The following IP6K3 variants were observed in gnomAD, a reference collection of about 807,000 sequenced individuals.
IP6K3 encodes inositol hexakisphosphate kinase 3, also known as ATP:1D-myo-inositol-hexakisphosphate phosphotransferase.
A neutral mutation model predicts 28.8 loss-of-function variants in IP6K3; 20 were observed. That is an observed-to-expected ratio of 0.70 (90% CI 0.49 to 1.01). The LOEUF (loss-of-function observed/expected upper bound fraction) is 1.01, where lower values mean the gene tolerates loss of function less well. Among genes scored for constraint, IP6K3 ranks in the 50% least tolerant of loss-of-function variants. IP6K3 has a pLI of 0.00. For synonymous variants in IP6K3, 213 were observed against 221.3 expected, an observed-to-expected ratio of 0.96 and a Z score of 0.33; for missense variants, 480 against 537.1, an observed-to-expected ratio of 0.89 and a Z score of 1.05.
Position 33,728,220 on chromosome 6 carries a change from G to A in IP6K3, c.280C>T (p.Pro94Ser), listed in dbSNP as rs774326565. The change falls in exon 3 of 6, where the codon CCC becomes TCC. Residue 94 changes from proline (P) to serine (S), a missense_variant. Transcript: ENST00000293756. ...GCCGACTCTGTGGAGACCTTGAAGG[G>A]CTCCTGGCTCTCCTTCACTGGGTTG... is the stretch of plus-strand genomic sequence containing the variant. The part of the protein sequence containing the change: ...VANPVKESQE[P>S]FKVSTESAAV... 11 of 1,614,010 alleles carry A rather than the reference G, an allele frequency of 6.8e-6. No homozygotes were observed. The highest frequency in any genetic ancestry group is 8.5e-6 in the Non-Finnish European group (10 of 1,180,034).
chr6:33,723,076 G>A lies in IP6K3; in HGVS notation c.877C>T (p.His293Tyr), dbSNP rs1209160492. 6.2e-7 allele frequency: 1 copy of A among 1,614,018 alleles called. No homozygotes were observed. Among genetic ancestry groups the A allele is most frequent in the Non-Finnish European group, 8.5e-7 (1 of 1,179,992 alleles). The change falls in exon 6 of 6, where the codon CAC becomes TAC. Residue 293 changes from histidine (H) to tyrosine (Y), a missense_variant. Physicochemically the swap from His to Tyr is moderately conservative, Grantham distance 83 (BLOSUM62 2). Coordinates refer to ENST00000293756, the MANE Select transcript of IP6K3 (RefSeq NM_054111.5). ...ALYQFLHNGS[H>Y]LRRELLEPIL... Reference sequence around the variant, plus strand: ...GGCTCCAGGAGCTCCCTCCGGAGGTGGCTTCCATTATGTAGGAACTGATAG... The same window carrying A: ...GGCTCCAGGAGCTCCCTCCGGAGGTAGCTTCCATTATGTAGGAACTGATAG...
rs1320066929 is a variant in IP6K3 at position 33,723,011 on chromosome 6, C to G, written c.942G>C (p.Arg314Ser). The G allele has an allele frequency of 6.2e-7, 1 of 1,614,026 alleles. No homozygotes were observed. Among genetic ancestry groups the G allele is most frequent in the South Asian group, 1.1e-5 (1 of 91,066 alleles). The part of the protein sequence containing the change: ...HQLRALLSVI[R>S]SQSSYRFYSS... ...AATAGAAGCGGTATGAACTCTGGCT[C>G]CTAATGACAGAGAGGAGGGCCCGGA... Residue 314 changes from arginine (R) to serine (S), a missense_variant, in exon 6 of 6, where the codon AGG becomes AGC. By Grantham distance (110) the Arg-to-Ser change is moderately radical (BLOSUM62 -1). Transcript: ENST00000293756.
At chr6:33,741,278 G>C (rs1766709141) in intron 1 of IP6K3, among the ~76,000 whole-genome samples, 1 of 152,190 alleles carries the variant, frequency 6.6e-6, no homozygotes. Flanking sequence ...TTATGCAGCA[G>C]GACCTAGTCC....
At chr6:33,748,642 CAAAAAAAAA>C (rs35735336), upstream of IP6K3, among the ~76,000 whole-genome samples, 4 of 38,340 alleles carry the variant, frequency 1.0e-4, no homozygotes, top group Admixed American at 3.6e-4. Context: ...ACCCTGTCTC[CAAAAAAAAA>C]AAAAAAAAAA....
chr6:33,731,120 G>A (rs1033644117), intron 2 of IP6K3, among the ~76,000 whole-genome samples: 3 of 152,184 alleles, frequency 2.0e-5, no homozygotes, highest in African/African-American at 4.8e-5. Flanking sequence ...TTCCAGGTGC[G>A]AGAAGGGGAG....
At chr6:33,735,147 C>T in intron 2 of IP6K3, 131 bp downstream of exon 2, 1 of 704,364 alleles carries the variant, frequency 1.4e-6, no homozygotes, top group Admixed American at 2.8e-5. Flanking sequence ...GCCAGCCCCG[C>T]TGGGAGAGGG....
At position 33,725,437 on chromosome 6, in the gene IP6K3, C is replaced by A. The variant is rs769517845; in HGVS notation, c.765+4G>T. 2.5e-6 allele frequency: 4 copies of A among 1,606,402 alleles called. No homozygotes were observed. The highest frequency in any genetic ancestry group is 1.7e-5 in the Admixed American group (1 of 59,884). On this transcript the variant is annotated splice_donor_region_variant and intron_variant, in intron 5 of 5. Transcript: ENST00000293756. ...CCCCCTGTGGTGGGTCCCCTGCGAC[C>A]TACCTGCATGCCGCAGATGCGCACA... is the stretch of plus-strand genomic sequence containing the variant.
At chr6:33,758,144 G>C in the IP6K3 span, among the ~76,000 whole-genome samples, 1 of 152,166 alleles carries the variant, frequency 6.6e-6, no homozygotes, top group Non-Finnish European at 1.5e-5. Flanking sequence ...TCAGATTACC[G>C]GAGGTATGTG....
chr6:33,724,610 A>T (rs947325918), intron 5 of IP6K3, among the ~76,000 whole-genome samples: 7 of 152,198 alleles, frequency 4.6e-5, no homozygotes, highest in African/African-American at 1.7e-4. Flanking sequence ...CACTTTATTA[A>T]CCAGAACTGG....
intron 2 of IP6K3, among the ~76,000 whole-genome samples, 184 bp downstream of exon 2, chr6:33,735,094 G>A (rs1237679643): frequency 1.3e-5 from 2 of 152,208 alleles, no homozygotes; most frequent in African/African-American, 4.8e-5. Flanking sequence ...TTACACTCCA[G>A]ACCTGGAGGC....
intron 2 of IP6K3, among the ~76,000 whole-genome samples, chr6:33,732,787 C>T (rs1031222561): frequency 3.9e-5 from 6 of 152,334 alleles, no homozygotes; most frequent in Non-Finnish European, 8.8e-5. Flanking sequence ...ACAGCAGACA[C>T]GGAGGTTTAG....
At chr6:33,741,970 A>G (rs1187198456) in intron 1 of IP6K3, among the ~76,000 whole-genome samples, 2 of 34,986 alleles carry the variant, frequency 5.7e-5, no homozygotes, top group Non-Finnish European at 1.3e-4. Context: ...ATAAACAAAA[A>G]CAAGCAAAAA....
intron 3 of IP6K3, among the ~76,000 whole-genome samples, chr6:33,727,119 A>G (rs537616294): frequency 4.6e-5 from 7 of 152,192 alleles, no homozygotes; most frequent in African/African-American, 1.7e-4. Context: ...GCTTCTCCAA[A>G]CCCTGGAGAA....
At chr6:33,723,968 G>A (rs545833649) in intron 5 of IP6K3, among the ~76,000 whole-genome samples, 13 of 152,070 alleles carry the variant, frequency 8.5e-5, no homozygotes, top group African/African-American at 2.9e-4. Context: ...AGCTGAGGCT[G>A]AACTAAGGCC....
At chr6:33,729,934 G>A (rs911322593) in intron 2 of IP6K3, among the ~76,000 whole-genome samples, 2 of 152,154 alleles carry the variant, frequency 1.3e-5, no homozygotes, top group Non-Finnish European at 1.5e-5. Flanking sequence ...GGCTGGTGTC[G>A]AACTCCTGAC....
rs1269236245 is a variant in IP6K3, at chr6:33,723,044, C to T, written c.909G>A (p.Leu303=). 1 of 1,614,136 alleles carries T rather than the reference C, an allele frequency of 6.2e-7. No homozygotes were observed. Among genetic ancestry groups the T allele is most frequent in the Admixed American group, 1.7e-5 (1 of 60,024 alleles). ...CAGAGAGGAGGGCCCGGAGCTGGTGCAGGATGGGCTCCAGGAGCTCCCTCC... is the reference window on the plus strand; with the variant it reads ...CAGAGAGGAGGGCCCGGAGCTGGTGTAGGATGGGCTCCAGGAGCTCCCTCC... The part of the protein sequence containing the change: ...HLRRELLEPI[L]HQLRALLSVI... The change falls in exon 6 of 6, where the codon CTG becomes CTA. Residue 303 remains leucine (L), a synonymous_variant. Coordinates refer to ENST00000293756, the MANE Select transcript of IP6K3 (RefSeq NM_054111.5).
At chr6:33,749,788 G>A (rs1582236272), upstream of IP6K3, among the ~76,000 whole-genome samples, 1 of 151,954 alleles carries the variant, frequency 6.6e-6, no homozygotes, top group South Asian at 2.1e-4. Flanking sequence ...CCTCACAATA[G>A]CCTTGTGAGG....
the IP6K3 span, among the ~76,000 whole-genome samples, chr6:33,760,981 AG>A: frequency 6.7e-6 from 1 of 150,364 alleles, no homozygotes; most frequent in Non-Finnish European, 1.5e-5. Flanking sequence ...ACCTACTTGT[AG>A]GTGAGACTCT....
chr6:33,756,589 T>C, the IP6K3 span, among the ~76,000 whole-genome samples: 2 of 152,276 alleles, frequency 1.3e-5, no homozygotes, highest in South Asian at 4.1e-4. Flanking sequence ...AAATGAAATC[T>C]TGGGGCCCTT....
Sources: allele counts gnomAD v4.1 joint callset (sites outside exome capture counted in the v4.1 genomes callset), GRCh38; gene constraint gnomAD v4.1.1; transcripts MANE v1.5; gene names NCBI Gene and HGNC (gene_info 2026-07-23, HGNC 2026-07-21).